MAPKAP1: variants seen among roughly 807,000 people sequenced by gnomAD.
MAPKAP1 encodes the protein MAPK associated protein 1.
In MAPKAP1, 20 loss-of-function variants were observed where a neutral mutation model predicts 65.7. The observed-to-expected ratio is 0.30, with a 90% CI of 0.21 to 0.44. The LOEUF (loss-of-function observed/expected upper bound fraction) is 0.44, where lower values mean the gene tolerates loss of function less well. Among genes scored for constraint, MAPKAP1 ranks in the 20% least tolerant of loss-of-function variants. The pLI is 1.00. For synonymous variants in MAPKAP1, 222 were observed against 244.3 expected (o/e 0.91, Z 0.85); for missense variants, 423 against 648.0 (o/e 0.65, Z 3.77).
At chr9:125,534,227 T>C (rs1830011259) in intron 7 of MAPKAP1, among the ~76,000 whole-genome samples, 1 of 152,160 alleles carries the variant, frequency 6.6e-6, no homozygotes, top group Admixed American at 6.5e-5. Flanking sequence ...TATATGTATA[T>C]CTGTATGTGA....
intron 5 of MAPKAP1, among the ~76,000 whole-genome samples, chr9:125,577,328 A>G (rs1351894875): frequency 6.9e-6 from 1 of 145,544 alleles, no homozygotes; most frequent in African/African-American, 2.6e-5. Flanking sequence ...CCCGGCAGCC[A>G]CCCCGTCTGG....
chr9:125,531,331 A>G (rs1829928099), intron 7 of MAPKAP1, among the ~76,000 whole-genome samples: 1 of 152,268 alleles, frequency 6.6e-6, no homozygotes, highest in South Asian at 2.1e-4. Context: ...TCTGAGCTTT[A>G]GTATTCTCAC....
chr9:125,681,793 T>C (rs746803867), intron 1 of MAPKAP1, among the ~76,000 whole-genome samples: 51 of 152,236 alleles, frequency 3.4e-4, no homozygotes, highest in Non-Finnish European at 7.1e-4. Flanking sequence ...TTTACAGAGA[T>C]AGCGTCTCGC....
chr9:125,466,623 T>C (rs1853688165), intron 10 of MAPKAP1, among the ~76,000 whole-genome samples: 1 of 152,158 alleles, frequency 6.6e-6, no homozygotes. Flanking sequence ...AAGATGTTTA[T>C]CCAAAGGCAG....
At chr9:125,445,056 C>T (rs2132928796) in intron 10 of MAPKAP1, among the ~76,000 whole-genome samples, 1 of 152,258 alleles carries the variant, frequency 6.6e-6, no homozygotes, top group Middle Eastern at 3.4e-3. Context: ...GAGAGGACTC[C>T]TGCCTGGAGA....
chr9:125,541,972 C>A (rs1006027492), intron 7 of MAPKAP1, among the ~76,000 whole-genome samples: 1 of 152,206 alleles, frequency 6.6e-6, no homozygotes, highest in Non-Finnish European at 1.5e-5. Flanking sequence ...CCGCCACAGC[C>A]GAGGGTGAAC....
intron 4 of MAPKAP1, among the ~76,000 whole-genome samples, chr9:125,603,237 G>GTCT (rs1405296063): frequency 2.0e-5 from 3 of 152,106 alleles, no homozygotes; most frequent in African/African-American, 7.2e-5. Context: ...AAGAAGCAGT[G>GTCT]GTCAAGCACC....
At chr9:125,556,772 C>T (rs948737551) in intron 6 of MAPKAP1, among the ~76,000 whole-genome samples, 2 of 152,178 alleles carry the variant, frequency 1.3e-5, no homozygotes, top group African/African-American at 4.8e-5. Flanking sequence ...TGAAGGTCTG[C>T]TCTGTTCTGC....
chr9:125,478,213 A>G (rs1471113066), intron 9 of MAPKAP1: 1 of 152,212 alleles, frequency 6.6e-6, no homozygotes, highest in Non-Finnish European at 1.5e-5. Context: ...GTATCACAGT[A>G]CGTGGACATT....
chr9:125,593,970 T>C (rs1002929319), intron 4 of MAPKAP1, among the ~76,000 whole-genome samples: 4 of 152,156 alleles, frequency 2.6e-5, no homozygotes, highest in African/African-American at 9.7e-5. Context: ...CTATACTCTA[T>C]CTCAACTAAG....
At chr9:125,511,014 CT>C (rs1829282271) in intron 7 of MAPKAP1, among the ~76,000 whole-genome samples, 1 of 152,144 alleles carries the variant, frequency 6.6e-6, no homozygotes, top group African/African-American at 2.4e-5. Flanking sequence ...CCAACTTAAC[CT>C]CTCAGTTTTC....
At chr9:125,643,193 C>T (rs1833628555) in intron 4 of MAPKAP1, among the ~76,000 whole-genome samples, 1 of 149,018 alleles carries the variant, frequency 6.7e-6, no homozygotes, top group South Asian at 2.1e-4. Flanking sequence ...AGCCACCACG[C>T]CCAGCGTTTT....
intron 4 of MAPKAP1, among the ~76,000 whole-genome samples, chr9:125,651,838 G>C (rs562141643): frequency 1.8e-3 from 273 of 152,248 alleles, no homozygotes; most frequent in Non-Finnish European, 3.1e-3. Context: ...GTAGGGGTTG[G>C]GGGTAAAGGA....
intron 7 of MAPKAP1, among the ~76,000 whole-genome samples, chr9:125,512,379 A>G (rs1829326655): frequency 6.6e-6 from 1 of 152,156 alleles, no homozygotes; most frequent in Admixed American, 6.5e-5. Flanking sequence ...TAGAAAGTTT[A>G]ACATAAATCT....
intron 1 of MAPKAP1, among the ~76,000 whole-genome samples, chr9:125,701,069 G>C (rs1412130271): frequency 6.6e-6 from 1 of 152,152 alleles, no homozygotes; most frequent in Non-Finnish European, 1.5e-5. Context: ...TTTTAGATTT[G>C]AGTCATCTCC....
At chr9:125,693,663 A>G (rs558792454) in intron 1 of MAPKAP1, among the ~76,000 whole-genome samples, 1,243 of 124,162 alleles carry the variant, frequency 0.01, 39 homozygotes, top group African/African-American at 0.05. Context: ...ATACATACAC[A>G]CACATATACA....
At chr9:125,495,209 C>T (rs1854898325) in intron 8 of MAPKAP1, among the ~76,000 whole-genome samples, 1 of 152,178 alleles carries the variant, frequency 6.6e-6, no homozygotes, top group Admixed American at 6.5e-5. Context: ...CTGATCAACA[C>T]CAAGGTGTCC....
At chr9:125,678,984 C>T (rs1301676095) in intron 1 of MAPKAP1, among the ~76,000 whole-genome samples, 1 of 144,802 alleles carries the variant, frequency 6.9e-6, no homozygotes, top group African/African-American at 2.6e-5. Context: ...GACAAAGTTA[C>T]AATAGTCATA....
intron 4 of MAPKAP1, chr9:125,652,190 G>A: frequency 7.6e-7 from 1 of 1,322,090 alleles, no homozygotes; most frequent in Non-Finnish European, 1.0e-6. Flanking sequence ...TCTTTGAAGA[G>A]AGCTATTTAA....
Sources: allele counts gnomAD v4.1 joint callset (sites outside exome capture counted in the v4.1 genomes callset), GRCh38; gene constraint gnomAD v4.1.1; transcripts MANE v1.5; gene names NCBI Gene and HGNC (gene_info 2026-07-23, HGNC 2026-07-21).